KNOP1: variants seen among roughly 807,000 people sequenced by gnomAD.
KNOP1 encodes the protein lysine-rich nucleolar protein 1.
A neutral mutation model predicts 30.6 loss-of-function variants in KNOP1; 20 were observed. The ratio of observed to expected loss-of-function variants is 0.65; its 90% CI spans 0.46 to 0.95. KNOP1 has a LOEUF of 0.95. KNOP1 is among the 40% of genes least tolerant of loss of function. KNOP1 has a pLI of 0.00. For missense variants in KNOP1, 540 were observed against 562.0 expected, an observed-to-expected ratio of 0.96 and a Z score of 0.40; for synonymous variants, 204 against 210.0, an observed-to-expected ratio of 0.97 and a Z score of 0.25.
chr16:19,708,137 GC>G, intron 4 of KNOP1, among the ~76,000 whole-genome samples: 1 of 151,460 alleles, frequency 6.6e-6, no homozygotes, highest in African/African-American at 2.4e-5. Context: ...GTGGGAGAGG[GC>G]GAGTGGGAAT....
chr16:19,707,226 G>T lies in KNOP1; in HGVS notation c.1066-5C>A. 2 of 1,607,428 alleles carry T rather than the reference G, an allele frequency of 1.2e-6. No individual in the cohort carries two copies. Among genetic ancestry groups the T allele is most frequent in the South Asian group, 1.1e-5 (1 of 90,108 alleles). On this transcript the variant is annotated splice_region_variant and splice_polypyrimidine_tract_variant and intron_variant, in intron 4 of 4. Transcript: ENST00000219837. ...CCACTGGCCAAACTGGGTTCCCTGTGAGGAGAGGAAAAAGGTGGCTATTTT... is the reference window on the plus strand; with the variant it reads ...CCACTGGCCAAACTGGGTTCCCTGTTAGGAGAGGAAAAAGGTGGCTATTTT...
chr16:19,713,126 C>T (rs1488186009), intron 2 of KNOP1, among the ~76,000 whole-genome samples: 5 of 151,998 alleles, frequency 3.3e-5, no homozygotes, highest in African/African-American at 1.2e-4. Flanking sequence ...GAGACAGTCC[C>T]GCTCTGTCAC....
intron 4 of KNOP1, among the ~76,000 whole-genome samples, chr16:19,709,105 T>C (rs902791719): frequency 6.6e-6 from 1 of 151,988 alleles, no homozygotes; most frequent in Non-Finnish European, 1.5e-5. Context: ...CAGGGTGGCA[T>C]GGAGAGAAAG....
At position 19,706,663 on chromosome 16, in the gene KNOP1, C is replaced by T. The variant is rs34069083; in HGVS notation, c.*247G>A. 2.9e-4 allele frequency: 139 copies of T among 482,172 alleles called. 1 individual carries two copies. The highest frequency in any genetic ancestry group is 5.7e-4 in the Middle Eastern group (1 of 1,742). The allele number at this position is 482,172 out of a possible 1,614,324, so 29.9% of individuals were successfully genotyped here. On this transcript the variant is annotated 3_prime_UTR_variant, in exon 5 of 5. Transcript: ENST00000219837. ...CCAAGCCCATCAATATAGTTGTCCTCGTCCTTAATCTCCACAGGTGTTCAA... is the reference window on the plus strand; with the variant it reads ...CCAAGCCCATCAATATAGTTGTCCTTGTCCTTAATCTCCACAGGTGTTCAA...
At position 19,714,656 on chromosome 16, in the gene KNOP1, G is replaced by A; in HGVS notation, c.380C>T (p.Ser127Phe). 1 of 1,614,096 alleles carries A rather than the reference G, an allele frequency of 6.2e-7. No individual in the cohort carries two copies. The highest frequency in any genetic ancestry group is 8.5e-7 in the Non-Finnish European group (1 of 1,180,022). ...AGGGTCTGGGGAGGTTTTCACCCCA[G>A]AGGCATGGGACATGGCTAGAGGTGA... is the stretch of plus-strand genomic sequence containing the variant. The part of the protein sequence containing the change: ...KKSPLAMSHA[S>F]GVKTSPDPRQ... The change falls in exon 2 of 5, where the codon TCT (serine) becomes TTT (phenylalanine). Residue 127 changes from serine (S) to phenylalanine (F), a missense_variant. By Grantham distance (155) the Ser-to-Phe change is radical. Transcript: ENST00000219837.
chr16:19,705,319 A>G lies in KNOP1; in HGVS notation c.*1591T>C, dbSNP rs1365918838. 3 of 450,830 alleles carry G rather than the reference A, an allele frequency of 6.7e-6. No homozygotes were observed. Among genetic ancestry groups the G allele is most frequent in the Non-Finnish European group, 1.3e-5 (3 of 223,868 alleles). The allele number at this position is 450,830 out of a possible 1,614,324, so 27.9% of individuals were successfully genotyped here. On this transcript the variant is annotated 3_prime_UTR_variant, in exon 5 of 5. Coordinates refer to ENST00000219837, the MANE Select transcript of KNOP1 (RefSeq NM_001012991.3). ...GTCTGTAGGAGGCATGTTCAGGCCA[A>G]ACGATCGTGAAAATGTCCCAGTCAG...
chr16:19,714,826 TTTC>T lies in KNOP1; in HGVS notation c.207_209del (p.Lys72del), dbSNP rs770735825. On this transcript the variant is annotated inframe_deletion, in exon 2 of 5. Transcript: ENST00000219837. ...CGCAAAGGGTGCTGACACCCTTCTT[TTTC>T]TTCTTCTTTTTCTTCACTAGAGGCA... The T allele has an allele frequency of 1.8e-5, 29 of 1,613,470 alleles. No individual in the cohort carries two copies. Among genetic ancestry groups the T allele is most frequent in the East Asian group, 8.9e-5 (4 of 44,888 alleles).
At chr16:19,709,656 C>G (rs908577472) in intron 4 of KNOP1, among the ~76,000 whole-genome samples, 3 of 152,120 alleles carry the variant, frequency 2.0e-5, no homozygotes, top group African/African-American at 7.2e-5. Context: ...CCTTTCCTAC[C>G]TTAGGGGTCT....
chr16:19,706,878 G>A lies in KNOP1; in HGVS notation c.*32C>T. The A allele has an allele frequency of 6.3e-7, 1 of 1,595,006 alleles. No individual in the cohort carries two copies. Among genetic ancestry groups the A allele is most frequent in the Non-Finnish European group, 8.5e-7 (1 of 1,173,926 alleles). The stretch of plus-strand genomic sequence containing the variant: ...CATAAATGGAATAATCAAAGCAATT[G>A]TGGCAGTTTTGGGGGGACAAAACTC... On this transcript the variant is annotated 3_prime_UTR_variant, in exon 5 of 5. Transcript: ENST00000219837.
At chr16:19,710,610 AG>A in intron 3 of KNOP1, 24 bp from the exon 4 acceptor site, 1 of 1,594,604 alleles carries the variant, frequency 6.3e-7, no homozygotes, top group Non-Finnish European at 8.6e-7. Context: ...ATGACAGAAG[AG>A]GGCCGTCAGA....
At position 19,717,999 on chromosome 16, in the gene KNOP1, A is replaced by AGGC. The variant is rs940511330; in HGVS notation, c.-3+156_-3+158dup. The stretch of plus-strand genomic sequence containing the variant: ...GCTCTGAGGCGGGAAAACTTTCTGG[A>AGGC]GGCGGCGGCCTCAGGCCGGAGCGGG... On this transcript the variant is annotated intron_variant, in intron 1 of 4. Coordinates refer to ENST00000219837, the MANE Select transcript of KNOP1 (RefSeq NM_001012991.3). 1.1e-5 allele frequency: 14 copies of AGGC among 1,318,998 alleles called. No individual in the cohort carries two copies. The African/African-American group carries it at 1.8e-4, about 17-fold the overall frequency. 81.7% of individuals were successfully genotyped at this position (1,318,998 alleles called of 1,614,324 possible). A position where few individuals can be genotyped will look rare whatever the true frequency, so the allele number is the denominator to read the frequency against.
chr16:19,718,082 T>G, intron 1 of KNOP1, 76 bp downstream of exon 1: 1 of 1,425,536 alleles, frequency 7.0e-7, no homozygotes. Flanking sequence ...TTTCCCCATC[T>G]TCCCCGCCGC....
At chr16:19,708,957 C>A (rs945928307) in intron 4 of KNOP1, among the ~76,000 whole-genome samples, 1 of 152,050 alleles carries the variant, frequency 6.6e-6, no homozygotes, top group Non-Finnish European at 1.5e-5. Flanking sequence ...ATGTCCCAGC[C>A]CCTGTGCCCC....
intron 2 of KNOP1, among the ~76,000 whole-genome samples, chr16:19,713,883 C>T (rs1470564175): frequency 2.0e-5 from 3 of 152,110 alleles, no homozygotes; most frequent in Admixed American, 6.6e-5. Flanking sequence ...CTGCAATTAT[C>T]GATGATACTG....
chr16:19,715,095 C>G, intron 1 of KNOP1, 58 bp from the exon 2 acceptor site: 1 of 1,264,410 alleles, frequency 7.9e-7, no homozygotes, highest in East Asian at 2.4e-5. Flanking sequence ...TTCAATTCTA[C>G]TAAGCATTGC....
chr16:19,713,794 T>C (rs891870972), intron 2 of KNOP1, among the ~76,000 whole-genome samples: 3 of 152,256 alleles, frequency 2.0e-5, no homozygotes, highest in East Asian at 1.9e-4. Flanking sequence ...AAGGGATTCA[T>C]CTGAAAAATT....
At chr16:19,711,305 G>T in intron 3 of KNOP1, 67 bp downstream of exon 3, 1 of 1,512,534 alleles carries the variant, frequency 6.6e-7, no homozygotes, top group Non-Finnish European at 9.2e-7. Context: ...AGCCTGGCAG[G>T]CAGCAAGTGA....
At position 19,701,994 on chromosome 16, in the gene KNOP1, C is replaced by T. The variant is rs56658097; in HGVS notation, c.*4916G>A. On this transcript the variant is annotated 3_prime_UTR_variant, in exon 5 of 5. Coordinates refer to ENST00000219837, the MANE Select transcript of KNOP1 (RefSeq NM_001012991.3). ...ATTTCACAAAATTCTGTTTTTTTTT[C>T]TTTTTTTTGAGACAGTTTCACTCTT... 33,826 of 149,916 alleles carry T rather than the reference C, an allele frequency of 0.23. 4,338 individuals are homozygous for T. Among genetic ancestry groups the T allele is most frequent in the African/African-American group, 0.35 (14,271 of 40,504 alleles). 9.3% of individuals were successfully genotyped at this position (149,916 alleles called of 1,614,324 possible).
chr16:19,714,515 G>T lies in KNOP1; in HGVS notation c.521C>A (p.Ala174Asp). Reference protein sequence around the residue: ...FSVQDPWFCEAREARDVGDTC... With the variant: ...FSVQDPWFCEDREARDVGDTC... ...GTCCCCAACATCCCTGGCCTCCCTG[G>T]CCTCACAGAACCAAGGGTCCTGGAC... The change falls in exon 2 of 5, where the codon GCC becomes GAC. Residue 174 changes from alanine to aspartate, a missense_variant. Coordinates refer to ENST00000219837, the MANE Select transcript of KNOP1 (RefSeq NM_001012991.3). 1 of 1,613,942 alleles carries T rather than the reference G, an allele frequency of 6.2e-7. No individual in the cohort carries two copies. Among genetic ancestry groups the T allele is most frequent in the Non-Finnish European group, 8.5e-7 (1 of 1,179,980 alleles).
Sources: gnomAD v4.1 joint callset for allele counts (sites outside exome capture counted in the v4.1 genomes callset) on GRCh38, gnomAD v4.1.1 for gene constraint, MANE v1.5 for transcripts, NCBI Gene and HGNC (gene_info 2026-07-23, HGNC 2026-07-21) for gene names.